MLYCD: variants seen among roughly 807,000 people sequenced by gnomAD.
MLYCD encodes malonyl-CoA decarboxylase, mitochondrial.
MLYCD carries 27 observed loss-of-function variants against 35.8 expected under a neutral mutation model. That is an observed-to-expected ratio of 0.75 (90% CI 0.56 to 1.04). The LOEUF (loss-of-function observed/expected upper bound fraction) is 1.04. Among genes scored for constraint, MLYCD ranks in the 50% least tolerant of loss-of-function variants. The probability of loss-of-function intolerance (pLI) is 0.00; values close to 1 mark genes in which losing one functional copy is unlikely to be tolerated. For synonymous variants in MLYCD, 403 were observed against 302.4 expected, an observed-to-expected ratio of 1.33 and a Z score of -3.45; for missense variants, 917 against 665.1, an observed-to-expected ratio of 1.38 and a Z score of -4.17.
chr16:83,911,144 T>C (rs757972672), intron 3 of MLYCD, among the ~76,000 whole-genome samples: 1 of 151,724 alleles, frequency 6.6e-6, no homozygotes, highest in Non-Finnish European at 1.5e-5. Context: ...GCCCGGCTCA[T>C]TTTTTTTGTA....
intron 1 of MLYCD, among the ~76,000 whole-genome samples, chr16:83,902,265 C>T (rs554872783): frequency 1.4e-5 from 2 of 141,568 alleles, no homozygotes; most frequent in East Asian, 2.1e-4. Context: ...TTTCTTGTTA[C>T]GTTTCCCAGG....
rs187188665 is a variant in MLYCD, at chr16:83,899,715, C to T, written c.528+43C>T. On this transcript the variant is annotated intron_variant, in intron 1 of 4. Transcript: ENST00000262430. ...ATCCCCCGGCAGCGCGGACTGGCCG[C>T]CCTCCTCGAGTAGTCCTCACTTGCC... The T allele has an allele frequency of 3.2e-3, 4,755 of 1,481,790 alleles. 11 individuals are homozygous for T. The highest frequency in any genetic ancestry group is 6.4e-3 in the Middle Eastern group (27 of 4,226). 91.8% of individuals were successfully genotyped at this position (1,481,790 alleles called of 1,614,324 possible).
chr16:83,917,723 C>T lies in MLYCD; in HGVS notation c.*2234C>T, dbSNP rs1907472441. On this transcript the variant is annotated 3_prime_UTR_variant, in exon 5 of 5. Transcript: ENST00000262430. ...AGACCCTCAGGCCTGCGGAAACCTG[C>T]TGGGCCTTACCGTCTTTGCTTAGCT... 1 of 152,266 alleles carries T rather than the reference C, an allele frequency of 6.6e-6. No individual in the cohort carries two copies. The highest frequency in any genetic ancestry group is 2.4e-5 in the African/African-American group (1 of 41,462). The allele number at this position is 152,266 out of a possible 1,614,324, so 9.4% of individuals were successfully genotyped here. A position where few individuals can be genotyped will look rare whatever the true frequency, so the allele number is the denominator to read the frequency against.
At position 83,915,410 on chromosome 16, in the gene MLYCD, A is replaced by G. The variant is rs751976053; in HGVS notation, c.1403A>G (p.Tyr468Cys). The G allele has an allele frequency of 1.2e-6, 2 of 1,613,820 alleles. No individual in the cohort carries two copies. Among genetic ancestry groups the G allele is most frequent in the East Asian group, 2.2e-5 (1 of 44,884 alleles). Reference sequence around the variant, plus strand: ...GAGACGGGCCCCAACAGCACCTCCTACCTCGGCTCCAAGATCATCAAAGCC... The same window carrying G: ...GAGACGGGCCCCAACAGCACCTCCTGCCTCGGCTCCAAGATCATCAAAGCC... ...LEETGPNSTS[Y>C]LGSKIIKASE... Residue 468 changes from tyrosine (Y) to cysteine (C), a missense_variant, in exon 5 of 5, where the codon TAC becomes TGC. Transcript: ENST00000262430.
Position 83,917,132 on chromosome 16 carries a change from G to A in MLYCD, c.*1643G>A, listed in dbSNP as rs1460621420. Reference sequence around the variant, plus strand: ...CACGTCTGTGTGCGTGTGCACGAGCGTTCTATGTGGATCAGTGCACGCCTG... The same window carrying A: ...CACGTCTGTGTGCGTGTGCACGAGCATTCTATGTGGATCAGTGCACGCCTG... On this transcript the variant is annotated 3_prime_UTR_variant, in exon 5 of 5. Transcript: ENST00000262430. The A allele has an allele frequency of 2.4e-5, 2 of 83,658 alleles. No individual in the cohort carries two copies. Among genetic ancestry groups the A allele is most frequent in the Non-Finnish European group, 4.5e-5 (2 of 44,624 alleles). 5.2% of individuals were successfully genotyped at this position (83,658 alleles called of 1,614,324 possible).
At chr16:83,904,887 C>A (rs1906920767) in intron 1 of MLYCD, among the ~76,000 whole-genome samples, 1 of 152,180 alleles carries the variant, frequency 6.6e-6, no homozygotes, top group South Asian at 2.1e-4. Context: ...CCCATGACTT[C>A]CACCAGTCAG....
intron 1 of MLYCD, 119 bp from the exon 2 acceptor site, chr16:83,906,868 T>G (rs1211264315): frequency 2.4e-5 from 21 of 883,700 alleles, no homozygotes; most frequent in Non-Finnish European, 3.9e-5. Flanking sequence ...GAGAGTTGTC[T>G]TGCACAATTG....
At position 83,922,669 on chromosome 16, in the gene MLYCD, G is replaced by A. The variant is rs1329027427; in HGVS notation, c.*7180G>A. The stretch of plus-strand genomic sequence containing the variant: ...TGCTGAGAGGCTCAAAGGAGACGAT[G>A]TATATAAAGCAGTTAACTGATGCCT... On this transcript the variant is annotated 3_prime_UTR_variant, in exon 5 of 5. Coordinates refer to ENST00000262430, the MANE Select transcript of MLYCD (RefSeq NM_012213.3). The A allele has an allele frequency of 6.6e-6, 1 of 152,254 alleles. No homozygotes were observed. Among genetic ancestry groups the A allele is most frequent in the Non-Finnish European group, 1.5e-5 (1 of 68,064 alleles). The allele number at this position is 152,254 out of a possible 1,614,324, so 9.4% of individuals were successfully genotyped here.
At chr16:83,905,440 A>C (rs1024189830) in intron 1 of MLYCD, among the ~76,000 whole-genome samples, 8 of 152,172 alleles carry the variant, frequency 5.3e-5, no homozygotes, top group Non-Finnish European at 1.0e-4. Context: ...ATATGACAGA[A>C]GTTTGTCTGT....
chr16:83,918,619 CGGTGCACCGGAGAACATGCACACAT>C lies in MLYCD; in HGVS notation c.*3138_*3162del. 7.0e-6 allele frequency: 1 copy of C among 142,070 alleles called. No homozygotes were observed. Among genetic ancestry groups the C allele is most frequent in the Non-Finnish European group, 1.5e-5 (1 of 65,812 alleles). 8.8% of individuals were successfully genotyped at this position (142,070 alleles called of 1,614,324 possible). ...AACACGCACAGTGCACAGGAGAACA[CGGTGCACCGGAGAACATGCACACAT>C]GGTGCACAGGAGAACACAGTGCACA... On this transcript the variant is annotated 3_prime_UTR_variant, in exon 5 of 5. Coordinates refer to ENST00000262430, the MANE Select transcript of MLYCD (RefSeq NM_012213.3).
Position 83,906,972 on chromosome 16 carries a change from T to C in MLYCD, c.529-15T>C. 1 of 1,610,468 alleles carries C rather than the reference T, an allele frequency of 6.2e-7. No homozygotes were observed. The highest frequency in any genetic ancestry group is 8.5e-7 in the Non-Finnish European group (1 of 1,176,686). On this transcript the variant is annotated splice_polypyrimidine_tract_variant and intron_variant, in intron 1 of 4. Transcript: ENST00000262430. ...TCGCACATTGGAGGCCTGGGATTTA[T>C]CTTCTCCTTTTCAGGAAATGAATGG...
rs530806132 is a variant in MLYCD at position 83,910,927 on chromosome 16, T to G, written c.799-1291T>G. On this transcript the variant is annotated intron_variant, in intron 3 of 4. Coordinates refer to ENST00000262430, the MANE Select transcript of MLYCD (RefSeq NM_012213.3). Reference sequence around the variant, plus strand: ...CTGGAGGGAAAAATGCTGAGGATGTTTTCCTCAGGGCAGATATGCATAGAC... The same window carrying G: ...CTGGAGGGAAAAATGCTGAGGATGTGTTCCTCAGGGCAGATATGCATAGAC... Among the ~76,000 whole-genome samples the G allele has an allele frequency of 1.4e-4, 21 of 152,322 alleles. No individual in the cohort carries two copies. The South Asian group carries it at 4.3e-3, about 32-fold the overall frequency.
rs1907761774 is a variant in MLYCD at position 83,924,987 on chromosome 16, C to T, written c.*9498C>T. On this transcript the variant is annotated 3_prime_UTR_variant, in exon 5 of 5. Transcript: ENST00000262430. Reference sequence around the variant, plus strand: ...GTCCCCTCCTTCTCTAAGGATCTCACCCCCATCCGTGTCTCTGCTGTCTCC... The same window carrying T: ...GTCCCCTCCTTCTCTAAGGATCTCATCCCCATCCGTGTCTCTGCTGTCTCC... The T allele has an allele frequency of 6.6e-6, 1 of 152,358 alleles. No individual in the cohort carries two copies. 9.4% of individuals were successfully genotyped at this position (152,358 alleles called of 1,614,324 possible). A position where few individuals can be genotyped will look rare whatever the true frequency, so the allele number is the denominator to read the frequency against.
Position 83,915,268 on chromosome 16 carries a change from A to G in MLYCD, c.1261A>G (p.Asn421Asp), listed in dbSNP as rs1907335658. 1 of 1,612,290 alleles carries G rather than the reference A, an allele frequency of 6.2e-7. No homozygotes were observed. Among genetic ancestry groups the G allele is most frequent in the Non-Finnish European group, 8.5e-7 (1 of 1,178,434 alleles). ...HRGYALNPVA[N>D]FHLQNGAVLW... ...CGGCTACGCGCTGAACCCCGTGGCCAACTTCCACCTGCAGAACGGGGCGGT... is the reference window on the plus strand; with the variant it reads ...CGGCTACGCGCTGAACCCCGTGGCCGACTTCCACCTGCAGAACGGGGCGGT... The change falls in exon 5 of 5, where the codon AAC (asparagine) becomes GAC (aspartate). Residue 421 changes from asparagine to aspartate, a missense_variant. Asn to Asp is a conservative substitution (Grantham distance 23). Transcript: ENST00000262430.
rs1170749458 is a variant in MLYCD, at chr16:83,899,692, C to A, written c.528+20C>A. On this transcript the variant is annotated intron_variant, in intron 1 of 4. Coordinates refer to ENST00000262430, the MANE Select transcript of MLYCD (RefSeq NM_012213.3). ...GTCCGGGTAAGGGGCCGCCGTCGAT[C>A]CCCCGGCAGCGCGGACTGGCCGCCC... is the stretch of plus-strand genomic sequence containing the variant. The A allele has an allele frequency of 6.7e-7, 1 of 1,494,008 alleles. No homozygotes were observed. Among genetic ancestry groups the A allele is most frequent in the South Asian group, 1.3e-5 (1 of 79,878 alleles). The allele number at this position is 1,494,008 out of a possible 1,614,324, so 92.5% of individuals were successfully genotyped here. A position where few individuals can be genotyped will look rare whatever the true frequency, so the allele number is the denominator to read the frequency against.
In MLYCD at chr16:83,922,173, C is replaced by G. The variant is rs372808819; in HGVS notation, c.*6684C>G. The G allele has an allele frequency of 6.6e-5, 10 of 152,466 alleles. No individual in the cohort carries two copies. Among genetic ancestry groups the G allele is most frequent in the African/African-American group, 2.4e-4 (10 of 41,552 alleles). 9.4% of individuals were successfully genotyped at this position (152,466 alleles called of 1,614,324 possible). A position where few individuals can be genotyped will look rare whatever the true frequency, so the allele number is the denominator to read the frequency against. ...ACCCCTGCCACAGAGCCTGCCCCCC[C>G]GAGTGTTCCCCATCTCAGTCTGAGG... On this transcript the variant is annotated 3_prime_UTR_variant, in exon 5 of 5. Coordinates refer to ENST00000262430, the MANE Select transcript of MLYCD (RefSeq NM_012213.3).
Position 83,899,418 on chromosome 16 carries a change from G to T in MLYCD, c.274G>T (p.Ala92Ser). 1 of 1,515,006 alleles carries T rather than the reference G, an allele frequency of 6.6e-7. No individual in the cohort carries two copies. Among genetic ancestry groups the T allele is most frequent in the African/African-American group, 1.4e-5 (1 of 69,660 alleles). 93.8% of individuals were successfully genotyped at this position (1,515,006 alleles called of 1,614,324 possible). The change falls in exon 1 of 5, where the codon GCG becomes TCG. Residue 92 changes from alanine to serine, a missense_variant. Transcript: ENST00000262430. ...GCGGGCCGAACTGCTGGGCCGCCTG[G>T]CGCGGGGCTTCGGCGTGGACCACGG... ...AQRAELLGRL[A>S]RGFGVDHGQV... is the part of the protein sequence containing the mutation.
At chr16:83,906,698 ATAT>A (rs944871198) in intron 1 of MLYCD, among the ~76,000 whole-genome samples, 8 of 151,638 alleles carry the variant, frequency 5.3e-5, no homozygotes, top group African/African-American at 1.9e-4. Flanking sequence ...GAATTGGAAG[ATAT>A]TATTTGATTT....
chr16:83,919,427 CAGG>C lies in MLYCD; in HGVS notation c.*3941_*3943del, dbSNP rs981565415. 6.9e-5 allele frequency: 10 copies of C among 144,988 alleles called. No homozygotes were observed. Among genetic ancestry groups the C allele is most frequent in the Non-Finnish European group, 1.2e-4 (8 of 67,188 alleles). The allele number at this position is 144,988 out of a possible 1,614,324, so 9.0% of individuals were successfully genotyped here. A position where few individuals can be genotyped will look rare whatever the true frequency, so the allele number is the denominator to read the frequency against. On this transcript the variant is annotated 3_prime_UTR_variant, in exon 5 of 5. Coordinates refer to ENST00000262430, the MANE Select transcript of MLYCD (RefSeq NM_012213.3). ...CTGCACAGAACAAATGCACAGCACA[CAGG>C]AGAACATGCACACACAGTGCACAGG...
Sources: gnomAD v4.1 joint callset for allele counts (sites outside exome capture counted in the v4.1 genomes callset) on GRCh38, gnomAD v4.1.1 for gene constraint, MANE v1.5 for transcripts, NCBI Gene and HGNC (gene_info 2026-07-23, HGNC 2026-07-21) for gene names.